SYT16: variants seen among roughly 807,000 people sequenced by gnomAD.
SYT16 encodes synaptotagmin-16.
SYT16 carries 42 observed loss-of-function variants against 61.4 expected under a neutral mutation model. The observed-to-expected ratio is 0.68, with a 90% CI of 0.53 to 0.89. The LOEUF (loss-of-function observed/expected upper bound fraction) is 0.89. Among genes scored for constraint, SYT16 ranks in the 40% least tolerant of loss-of-function variants. The pLI, the probability that SYT16 is intolerant of heterozygous loss-of-function variation, is 0.00. For missense variants in SYT16, 804 were observed against 807.3 expected (o/e 1.00, Z 0.05); for synonymous variants, 314 against 302.3 (o/e 1.04, Z -0.40).
chr14:61,888,769 T>TA (rs35694977), intron 1 of SYT16, among the ~76,000 whole-genome samples: 9,212 of 104,168 alleles, frequency 0.088, 708 homozygotes, highest in African/African-American at 0.23. Context: ...CTTCAATTTG[T>TA]AAAAAAAAAA....
At chr14:62,021,413 G>C (rs1244686489) in intron 3 of SYT16, among the ~76,000 whole-genome samples, 1 of 151,932 alleles carries the variant, frequency 6.6e-6, no homozygotes, top group Non-Finnish European at 1.5e-5. Flanking sequence ...CCTGGGCCCA[G>C]GCTCTATTCC....
chr14:61,992,430 A>C (rs1234641778), intron 2 of SYT16, among the ~76,000 whole-genome samples: 1 of 152,118 alleles, frequency 6.6e-6, no homozygotes, highest in Non-Finnish European at 1.5e-5. Context: ...TGAGGACAAA[A>C]GGCGGGAGCT....
intron 3 of SYT16, among the ~76,000 whole-genome samples, chr14:61,998,511 T>G (rs117048632): frequency 1.3e-5 from 2 of 152,022 alleles, no homozygotes; most frequent in East Asian, 3.9e-4. Flanking sequence ...ATCCATGGTG[T>G]TGTGTGTTTC....
intron 1 of SYT16, among the ~76,000 whole-genome samples, chr14:61,915,289 T>C (rs753408675): frequency 5.9e-5 from 9 of 152,128 alleles, no homozygotes; most frequent in Non-Finnish European, 1.0e-4. Context: ...CTCAAGATAC[T>C]TAACATTTGA....
At chr14:61,914,814 C>G (rs956375683) in intron 1 of SYT16, among the ~76,000 whole-genome samples, 1 of 152,178 alleles carries the variant, frequency 6.6e-6, no homozygotes, top group African/African-American at 2.4e-5. Context: ...AGCCTTGCCC[C>G]TTTTAGCCTG....
rs957485378 is a variant in SYT16 at position 62,084,384 on chromosome 14, T to A, written c.1623T>A (p.Pro541=). 4.3e-6 allele frequency: 7 copies of A among 1,611,136 alleles called. No individual in the cohort carries two copies. The highest frequency in any genetic ancestry group is 1.3e-5 in the African/African-American group (1 of 74,814). ...GAAACCTCGCTGTTAACCGAGCACC[T>A]GGTAAGTGTGAGTCTGTTCTCCCAG... ...HFRNLAVNRA[P]DTYGKLFLLN... Residue 541 remains proline, a splice_region_variant and synonymous_variant, in exon 7 of 8, where the codon CCT becomes CCA. Transcript: ENST00000683842.
chr14:62,086,926 G>C (rs1279728382), intron 7 of SYT16, among the ~76,000 whole-genome samples: 1 of 152,202 alleles, frequency 6.6e-6, no homozygotes. Context: ...GAAGACAAAA[G>C]TTTTTTGTCT....
At chr14:61,920,561 C>A (rs1038188278) in intron 1 of SYT16, among the ~76,000 whole-genome samples, 2 of 152,152 alleles carry the variant, frequency 1.3e-5, no homozygotes, top group Non-Finnish European at 2.9e-5. Flanking sequence ...AAATTTATAT[C>A]TCTAGGTCCA....
chr14:62,089,843 C>T (rs2057011691), intron 7 of SYT16, among the ~76,000 whole-genome samples: 1 of 152,242 alleles, frequency 6.6e-6, no homozygotes, highest in Non-Finnish European at 1.5e-5. Context: ...GTCTAGCAGA[C>T]ATCTGAAATC....
intron 5 of SYT16, chr14:62,079,365 G>C (rs1462147276): frequency 4.0e-5 from 49 of 1,219,814 alleles, no homozygotes; most frequent in Non-Finnish European, 4.6e-5. Flanking sequence ...AAAAGAAAAG[G>C]ATATTTATTA....
intron 2 of SYT16, among the ~76,000 whole-genome samples, chr14:61,989,477 C>T (rs758071216): frequency 2.0e-5 from 3 of 152,146 alleles, no homozygotes; most frequent in African/African-American, 4.8e-5. Context: ...GCAGGAGAAT[C>T]GCTCGAACCT....
intron 1 of SYT16, among the ~76,000 whole-genome samples, chr14:61,946,669 A>G (rs1042453497): frequency 2.0e-5 from 3 of 152,178 alleles, no homozygotes; most frequent in African/African-American, 4.8e-5. Context: ...AGTTAGAGAA[A>G]TGGGCACTGA....
chr14:61,980,120 A>G (rs775851200), intron 2 of SYT16, among the ~76,000 whole-genome samples: 2 of 152,196 alleles, frequency 1.3e-5, no homozygotes, highest in African/African-American at 4.8e-5. Flanking sequence ...CCACTGGGGC[A>G]TATATAAAAC....
At chr14:61,962,336 T>A (rs2051149105) in intron 1 of SYT16, among the ~76,000 whole-genome samples, 1 of 152,260 alleles carries the variant, frequency 6.6e-6, no homozygotes, top group African/African-American at 2.4e-5. Context: ...ACTTATATCA[T>A]CCCATTGTCT....
At chr14:62,051,008 G>A (rs958234339) in intron 3 of SYT16, among the ~76,000 whole-genome samples, 3 of 152,220 alleles carry the variant, frequency 2.0e-5, no homozygotes, top group Non-Finnish European at 4.4e-5. Flanking sequence ...TGTCAGACAG[G>A]GACATTTACG....
intron 3 of SYT16, among the ~76,000 whole-genome samples, chr14:62,011,070 A>G (rs2053426987): frequency 6.6e-6 from 1 of 152,218 alleles, no homozygotes; most frequent in African/African-American, 2.4e-5. Flanking sequence ...CATAGAGGCA[A>G]TATTGCTTAT....
intron 3 of SYT16, among the ~76,000 whole-genome samples, chr14:62,023,345 C>T (rs527799433): frequency 2.0e-5 from 3 of 152,250 alleles, no homozygotes; most frequent in South Asian, 2.1e-4. Flanking sequence ...TGTACTTTAC[C>T]TTAGTAGAAT....
At chr14:61,962,032 C>A (rs758776208) in intron 1 of SYT16, among the ~76,000 whole-genome samples, 8 of 152,042 alleles carry the variant, frequency 5.3e-5, no homozygotes, top group Non-Finnish European at 1.0e-4. Context: ...AATCAAATAA[C>A]GCCTGTTCTT....
Position 61,996,216 on chromosome 14 carries a change from A to G in SYT16, c.197A>G (p.Tyr66Cys), listed in dbSNP as rs775286016. The G allele has an allele frequency of 3.7e-6, 6 of 1,613,604 alleles. No individual in the cohort carries two copies. The highest frequency in any genetic ancestry group is 1.1e-5 in the South Asian group (1 of 91,080). ...GATAATATTCAGATTCAGGAAACGT[A>G]CTTTGAAGATGAAGAACAAGACAAT... ...DLDNIQIQET[Y>C]FEDEEQDNDW... The change falls in exon 3 of 8, where the codon TAC (tyrosine) becomes TGC (cysteine). Residue 66 changes from tyrosine (Y) to cysteine (C), a missense_variant. Coordinates refer to ENST00000683842, the MANE Select transcript of SYT16 (RefSeq NM_001367656.1).
Sources: allele counts gnomAD v4.1 joint callset (sites outside exome capture counted in the v4.1 genomes callset), GRCh38; gene constraint gnomAD v4.1.1; transcripts MANE v1.5; gene names NCBI Gene and HGNC (gene_info 2026-07-23, HGNC 2026-07-21).